Variants in RAB11FIP4 observed in about 807,000 individuals in gnomAD.
The protein encoded by RAB11FIP4 is rab11 family-interacting protein 4.
Under a neutral mutation model 74.3 loss-of-function variants are expected in RAB11FIP4, and 23 were observed. The observed-to-expected ratio is 0.31, with a 90% CI of 0.22 to 0.44. The LOEUF is 0.44. Among genes scored for constraint, RAB11FIP4 ranks in the 20% least tolerant of loss-of-function variants. The pLI is 1.00. For missense variants in RAB11FIP4, 630 were observed against 863.9 expected (o/e 0.73, Z 3.39); for synonymous variants, 360 against 359.9 (o/e 1.00, Z 0.00).
At chr17:31,396,218 G>T (rs145553592) in intron 1 of RAB11FIP4, among the ~76,000 whole-genome samples, 1 of 52,016 alleles carries the variant, frequency 1.9e-5, no homozygotes, top group East Asian at 4.7e-4. Flanking sequence ...GAAAAGAAAA[G>T]AAAGAAATGC....
chr17:31,518,918 C>T lies in RAB11FIP4; in HGVS notation c.563+1041C>T, dbSNP rs572446266. 1.1e-3 allele frequency among the ~76,000 whole-genome samples: 169 copies of T among 152,036 alleles called. 1 individual carries two copies. The highest frequency in any genetic ancestry group is 1.3e-3 in the Non-Finnish European group (87 of 67,950). The stretch of plus-strand genomic sequence containing the variant: ...CATGATCTCACCTCACTGCAGCCTC[C>T]GCCTCCCGGGTTCAAGCGATTCTCC... On this transcript the variant is annotated intron_variant, in intron 4 of 14. Coordinates refer to ENST00000621161, the MANE Select transcript of RAB11FIP4 (RefSeq NM_032932.6).
chr17:31,396,878 G>C (rs2070936515), intron 1 of RAB11FIP4, among the ~76,000 whole-genome samples: 1 of 152,190 alleles, frequency 6.6e-6, no homozygotes, highest in Non-Finnish European at 1.5e-5. Flanking sequence ...CAGTGGGCCT[G>C]TCCTGCCTGC....
chr17:31,483,021 C>A (rs899800830), intron 3 of RAB11FIP4, among the ~76,000 whole-genome samples: 1 of 151,610 alleles, frequency 6.6e-6, no homozygotes, highest in African/African-American at 2.4e-5. Context: ...GGTGAAACCC[C>A]GTCTCTACTA....
In RAB11FIP4 at chr17:31,452,371, A is replaced by G. The variant is rs151096513; in HGVS notation, c.336+18249A>G. On this transcript the variant is annotated intron_variant, in intron 3 of 14. Coordinates refer to ENST00000621161, the MANE Select transcript of RAB11FIP4 (RefSeq NM_032932.6). ...CTAGGAGTCTCCGAGGACCAGCTCA[A>G]AGGCTGTAAAAATCATGCCCTGCCT... Among the ~76,000 whole-genome samples the G allele has an allele frequency of 3.1e-3, 471 of 152,252 alleles. 4 individuals are homozygous for G. The highest frequency in any genetic ancestry group is 3.4e-3 in the Non-Finnish European group (234 of 68,012).
chr17:31,404,257 C>T (rs1198346800), intron 1 of RAB11FIP4, among the ~76,000 whole-genome samples: 1 of 152,246 alleles, frequency 6.6e-6, no homozygotes, highest in Non-Finnish European at 1.5e-5. Flanking sequence ...CAGATCCTCC[C>T]CAGTCAGAGG....
chr17:31,392,158 G>C, intron 1 of RAB11FIP4, 147 bp downstream of exon 1: 2 of 604,696 alleles, frequency 3.3e-6, no homozygotes, highest in Non-Finnish European at 4.7e-6. Context: ...CAGGACCTCG[G>C]CCCCCCCCGG....
intron 3 of RAB11FIP4, among the ~76,000 whole-genome samples, chr17:31,510,126 C>T (rs554725617): frequency 1.3e-5 from 2 of 152,318 alleles, no homozygotes; most frequent in Non-Finnish European, 2.9e-5. Context: ...GTGGAAGACC[C>T]CAGCCCTAGC....
intron 3 of RAB11FIP4, among the ~76,000 whole-genome samples, chr17:31,517,200 G>C (rs531317208): frequency 4.2e-5 from 5 of 118,310 alleles, no homozygotes; most frequent in Admixed American, 8.6e-5. Flanking sequence ...GCGGGGGGGG[G>C]GGCGGTGGGG....
chr17:31,414,101 T>C (rs572492114), intron 1 of RAB11FIP4, among the ~76,000 whole-genome samples: 1 of 152,266 alleles, frequency 6.6e-6, no homozygotes, highest in East Asian at 1.9e-4. Context: ...GATGAGGCAA[T>C]GATGTTGCTC....
At chr17:31,489,984 A>G (rs2071977105) in intron 3 of RAB11FIP4, among the ~76,000 whole-genome samples, 1 of 152,112 alleles carries the variant, frequency 6.6e-6, no homozygotes, top group South Asian at 2.1e-4. Flanking sequence ...GGTCTGTAGG[A>G]GAGACTGCCT....
chr17:31,459,064 T>G (rs1476020477), intron 3 of RAB11FIP4, among the ~76,000 whole-genome samples: 4 of 152,106 alleles, frequency 2.6e-5, no homozygotes, highest in African/African-American at 9.7e-5. Flanking sequence ...TGATCTCAAC[T>G]CTCACTCATC....
intron 3 of RAB11FIP4, among the ~76,000 whole-genome samples, chr17:31,487,610 A>G (rs1359577436): frequency 6.6e-6 from 1 of 152,058 alleles, no homozygotes; most frequent in Non-Finnish European, 1.5e-5. Flanking sequence ...CCCCGGACTC[A>G]TTAGGGGGTG....
At chr17:31,522,145 C>A in intron 6 of RAB11FIP4, 96 bp downstream of exon 6, 1 of 1,516,420 alleles carries the variant, frequency 6.6e-7, no homozygotes, top group Non-Finnish European at 9.1e-7. Flanking sequence ...CCCCTGCTGT[C>A]TGGGCAGGTG....
chr17:31,449,529 A>G (rs1171454152), intron 3 of RAB11FIP4, among the ~76,000 whole-genome samples: 1 of 151,888 alleles, frequency 6.6e-6, no homozygotes, highest in African/African-American at 2.4e-5. Context: ...CTGCTGAAAC[A>G]CTTCTCACAG....
chr17:31,485,665 T>C (rs1360171347), intron 3 of RAB11FIP4, among the ~76,000 whole-genome samples: 1 of 152,188 alleles, frequency 6.6e-6, no homozygotes, highest in African/African-American at 2.4e-5. Context: ...AGGGTGGAGA[T>C]GGGAAGGCAG....
At chr17:31,409,631 C>G (rs901556689) in intron 1 of RAB11FIP4, among the ~76,000 whole-genome samples, 24 of 152,200 alleles carry the variant, frequency 1.6e-4, no homozygotes, top group African/African-American at 5.8e-4. Context: ...TCCCACCCTG[C>G]ACTCAAGGAG....
rs754956198 is a variant in RAB11FIP4, at chr17:31,536,717, G to A, written c.*4985G>A. On this transcript the variant is annotated 3_prime_UTR_variant, in exon 15 of 15. Coordinates refer to ENST00000621161, the MANE Select transcript of RAB11FIP4 (RefSeq NM_032932.6). ...CTGCCCTGGGTGCACACATGAATGG[G>A]GCAGCCAGCAGGAAGCGGGAGAGGC... 22 of 335,702 alleles carry A rather than the reference G, an allele frequency of 6.6e-5. No homozygotes were observed. Among genetic ancestry groups the A allele is most frequent in the Non-Finnish European group, 5.9e-5 (11 of 186,500 alleles). The allele number at this position is 335,702 out of a possible 1,614,324, so 20.8% of individuals were successfully genotyped here.
At position 31,525,172 on chromosome 17, in the gene RAB11FIP4, G is replaced by A; in HGVS notation, c.1216G>A (p.Glu406Lys). 4 of 1,549,324 alleles carry A rather than the reference G, an allele frequency of 2.6e-6. No homozygotes were observed. The highest frequency in any genetic ancestry group is 3.5e-6 in the Non-Finnish European group (4 of 1,146,952). The change falls in exon 10 of 15, where the codon GAG becomes AAG. Residue 406 changes from glutamate to lysine, a missense_variant. Coordinates refer to ENST00000621161, the MANE Select transcript of RAB11FIP4 (RefSeq NM_032932.6). ...GGAGGAGGAGGCGCGGCGCCACCGC[G>A]AGGCCTACGGCAAGCTGGAGAGGGA... ...ALEEEARRHR[E>K]AYGKLEREKA...
At chr17:31,475,414 G>A (rs967986146) in intron 3 of RAB11FIP4, among the ~76,000 whole-genome samples, 2 of 152,218 alleles carry the variant, frequency 1.3e-5, no homozygotes, top group Non-Finnish European at 2.9e-5. Context: ...AGACGTGGTA[G>A]GTTCAGCAAA....
Sources: allele counts gnomAD v4.1 joint callset (sites outside exome capture counted in the v4.1 genomes callset), GRCh38; gene constraint gnomAD v4.1.1; transcripts MANE v1.5; gene names NCBI Gene and HGNC (gene_info 2026-07-23, HGNC 2026-07-21).